Variants in PSMC6 observed in about 807,000 individuals in gnomAD.
The protein encoded by PSMC6 is proteasome 26S subunit, ATPase 6, also known as 26S proteasome regulatory subunit 10B.
PSMC6 carries 3 observed loss-of-function variants against 55.9 expected under a neutral mutation model. The observed-to-expected ratio is 0.05, with a 90% CI of 0.02 to 0.14. The LOEUF (loss-of-function observed/expected upper bound fraction) is 0.14. Ranked by LOEUF, PSMC6 falls within the 10% of genes least tolerant of loss-of-function variation. PSMC6 has a pLI of 1.00. For missense variants in PSMC6, 210 were observed against 478.7 expected (o/e 0.44, Z 5.24); for synonymous variants, 137 against 155.9 (o/e 0.88, Z 0.90).
intron 4 of PSMC6, 161 bp from the exon 5 acceptor site, chr14:52,710,940 T>C (rs1196565051): frequency 4.4e-6 from 3 of 685,622 alleles, no homozygotes; most frequent in Non-Finnish European, 7.7e-6. Flanking sequence ...TTTGAATTAC[T>C]TATTTTATAA....
chr14:52,722,785 A>G (rs1880252600), intron 12 of PSMC6: 1 of 152,210 alleles, frequency 6.6e-6, no homozygotes, highest in Non-Finnish European at 1.5e-5. Flanking sequence ...TAACCCAAGC[A>G]TGCTCATTTA....
chr14:52,709,183 T>TG (rs1384747990), intron 4 of PSMC6: 1 of 198,100 alleles, frequency 5.0e-6, no homozygotes, highest in Non-Finnish European at 1.0e-5. Context: ...CTGTTACTTA[T>TG]GGACTGTACC....
chr14:52,707,255 C>T lies in PSMC6; in HGVS notation c.36C>T (p.Tyr12=). 1 of 1,613,976 alleles carries T rather than the reference C, an allele frequency of 6.2e-7. No homozygotes were observed. Among genetic ancestry groups the T allele is most frequent in the Non-Finnish European group, 8.5e-7 (1 of 1,179,962 alleles). Residue 12 remains tyrosine (Y), a synonymous_variant, in exon 1 of 14, where the codon TAC becomes TAT. Coordinates refer to ENST00000445930, the MANE Select transcript of PSMC6 (RefSeq NM_002806.5). ...CTAGAGATAAGGCGCTTCAGGACTA[C>T]CGCAAGAAGTTGCTTGAACACAAGG... The part of the protein sequence containing the change: ...ADPRDKALQD[Y]RKKLLEHKEI...
At chr14:52,714,644 C>CAG (rs1422879443) in intron 7 of PSMC6, among the ~76,000 whole-genome samples, 2 of 151,866 alleles carry the variant, frequency 1.3e-5, no homozygotes, top group African/African-American at 4.8e-5. Flanking sequence ...GGCAGATCAC[C>CAG]AGAGGTCAGG....
chr14:52,710,984 A>T, intron 4 of PSMC6, 117 bp from the exon 5 acceptor site: 9 of 900,530 alleles, frequency 1.0e-5, no homozygotes, highest in East Asian at 2.6e-5. Flanking sequence ...ATAATCTGAT[A>T]TTTGTGTTCT....
At chr14:52,720,816 T>C in intron 10 of PSMC6, 45 bp from the exon 11 acceptor site, 1 of 1,499,540 alleles carries the variant, frequency 6.7e-7, no homozygotes, top group Non-Finnish European at 9.2e-7. Context: ...GCTATTTTTT[T>C]TAATGGTTAG....
rs1184206072 is a variant in PSMC6, at chr14:52,708,292, A to G, written c.86-17A>G. On this transcript the variant is annotated splice_polypyrimidine_tract_variant and intron_variant, in intron 1 of 13. Coordinates refer to ENST00000445930, the MANE Select transcript of PSMC6 (RefSeq NM_002806.5). Reference sequence around the variant, plus strand: ...GATTACTGTTCAATTAAAAATGTTCAAATTGTATTATTTCAGTAAGGGAAC... The same window carrying G: ...GATTACTGTTCAATTAAAAATGTTCGAATTGTATTATTTCAGTAAGGGAAC... The G allele has an allele frequency of 6.3e-7, 1 of 1,584,986 alleles. No individual in the cohort carries two copies. The highest frequency in any genetic ancestry group is 8.7e-7 in the Non-Finnish European group (1 of 1,153,960).
Position 52,711,502 on chromosome 14 carries a change from A to G in PSMC6, c.419A>G (p.Glu140Gly), listed in dbSNP as rs1239858090. ...VSYSEIGGLS[E>G]QIRELREVIE... ...TATTCTGAGATTGGAGGGCTATCAG[A>G]ACAGATCCGGGAATTAAGAGAGGTT... Residue 140 changes from glutamate (E) to glycine (G), a missense_variant, in exon 6 of 14, where the codon GAA becomes GGA. By Grantham distance (98) the Glu-to-Gly change is moderately conservative. This residue lies in a region of PSMC6 where 101 missense variants were observed against 250.4 expected (regional missense o/e 0.40). Coordinates refer to ENST00000445930, the MANE Select transcript of PSMC6 (RefSeq NM_002806.5). 1.9e-6 allele frequency: 3 copies of G among 1,610,440 alleles called. No individual in the cohort carries two copies. Among genetic ancestry groups the G allele is most frequent in the Middle Eastern group, 3.3e-4 (2 of 6,048 alleles).
At chr14:52,707,469 C>T (rs2041715427) in intron 1 of PSMC6, 165 bp downstream of exon 1, 2 of 899,678 alleles carry the variant, frequency 2.2e-6, no homozygotes, top group African/African-American at 1.7e-5. Context: ...TGGAGCAGCA[C>T]TCCTTCGGGT....
intron 10 of PSMC6, among the ~76,000 whole-genome samples, chr14:52,720,462 T>C (rs1168648847): frequency 6.6e-6 from 1 of 151,716 alleles, no homozygotes; most frequent in African/African-American, 2.4e-5. Flanking sequence ...ATAAATGTTA[T>C]GTCTGACATA....
At chr14:52,718,688 A>T in intron 9 of PSMC6, 1 of 414,824 alleles carries the variant, frequency 2.4e-6, no homozygotes, top group Non-Finnish European at 4.4e-6. Flanking sequence ...GAGGAGGCTG[A>T]GGCACGAGAA....
rs200266802 is a variant in PSMC6, at chr14:52,720,829, T to G, written c.778-32T>G. The G allele has an allele frequency of 3.2e-6, 5 of 1,549,082 alleles. No individual in the cohort carries two copies. The African/African-American group carries it at 6.8e-5, about 21-fold the overall frequency. On this transcript the variant is annotated intron_variant, in intron 10 of 13. Transcript: ENST00000445930. The stretch of plus-strand genomic sequence containing the variant: ...GTGCTATTTTTTTTAATGGTTAGAA[T>G]TTTTGTAAAATCTGATTCTTAATAT...
intron 13 of PSMC6, 85 bp downstream of exon 13, chr14:52,724,121 A>G (rs564528829): frequency 8.0e-5 from 103 of 1,289,644 alleles, no homozygotes; most frequent in Non-Finnish European, 1.1e-4. Context: ...AAAGCGGAGC[A>G]TAGACTTTGC....
intron 9 of PSMC6, 166 bp from the exon 10 acceptor site, chr14:52,718,811 A>G: frequency 1.6e-6 from 1 of 614,320 alleles, no homozygotes; most frequent in Non-Finnish European, 2.8e-6. Flanking sequence ...CTTTAACAAA[A>G]TGAGAAATGT....
chr14:52,712,696 C>T (rs1053991408), intron 6 of PSMC6, among the ~76,000 whole-genome samples: 8 of 151,908 alleles, frequency 5.3e-5, no homozygotes, highest in Non-Finnish European at 1.2e-4. Flanking sequence ...AGTCTCAGCT[C>T]ACTGCAACCT....
At chr14:52,709,822 A>G in intron 4 of PSMC6, 1 of 218,364 alleles carries the variant, frequency 4.6e-6, no homozygotes, top group South Asian at 4.8e-5. Context: ...AAATGCTCCG[A>G]TGAGCATTTT....
At chr14:52,721,010 A>G (rs1170623884) in intron 11 of PSMC6, 29 bp downstream of exon 11, 4 of 1,605,998 alleles carry the variant, frequency 2.5e-6, no homozygotes, top group Middle Eastern at 1.7e-4. Flanking sequence ...CCTACTGTCC[A>G]TTTCCCTTTG....
At chr14:52,715,309 C>T (rs1054573531) in intron 7 of PSMC6, among the ~76,000 whole-genome samples, 1 of 152,202 alleles carries the variant, frequency 6.6e-6, no homozygotes, top group Admixed American at 6.5e-5. Flanking sequence ...AGCACTTGTG[C>T]AGTTATTTAA....
Position 52,711,419 on chromosome 14 carries a change from G to A in PSMC6, c.336G>A (p.Pro112=), listed in dbSNP as rs142500784. 4.0e-4 allele frequency: 635 copies of A among 1,602,980 alleles called. No homozygotes were observed. Among genetic ancestry groups the A allele is most frequent in the Admixed American group, 7.0e-4 (41 of 58,568 alleles). The change falls in exon 6 of 14, where the codon CCG becomes CCA. Residue 112 remains proline (P), a synonymous_variant. Transcript: ENST00000445930. ...TACCTTTTCATTCTAGATATTTGCC[G>A]AGAGAGGTGGATCCACTGGTTTATA... ...MTTLTIMRYL[P]REVDPLVYNM...
Sources: allele counts gnomAD v4.1 joint callset (sites outside exome capture counted in the v4.1 genomes callset), GRCh38; gene constraint gnomAD v4.1.1; regional missense constraint gnomAD v4.1.1; transcripts MANE v1.5; gene names NCBI Gene and HGNC (gene_info 2026-07-23, HGNC 2026-07-21).